Variants in ETV6 observed in about 807,000 individuals in gnomAD.
ETV6 encodes the protein transcription factor ETV6.
ETV6 carries 16 observed loss-of-function variants against 51.1 expected under a neutral mutation model. The observed-to-expected ratio is 0.31, with a 90% CI of 0.21 to 0.48. The LOEUF (loss-of-function observed/expected upper bound fraction) is 0.48. Among genes scored for constraint, ETV6 ranks in the 20% least tolerant of loss-of-function variants. The pLI is 0.99. For missense variants in ETV6, 458 were observed against 594.8 expected, an observed-to-expected ratio of 0.77 and a Z score of 2.39; for synonymous variants, 240 against 224.1, an observed-to-expected ratio of 1.07 and a Z score of -0.64.
chr12:11,752,621 TG>T, intron 2 of ETV6, 42 bp downstream of exon 2: 1 of 1,581,672 alleles, frequency 6.3e-7, no homozygotes, highest in Non-Finnish European at 8.6e-7. Flanking sequence ...ATTGATGGCG[TG>T]GGGCGGGGGT....
intron 1 of ETV6, among the ~76,000 whole-genome samples, chr12:11,727,743 G>T (rs188334198): frequency 1.3e-3 from 205 of 152,366 alleles, no homozygotes; most frequent in Non-Finnish European, 2.2e-3. Context: ...GCCCGCAGGT[G>T]TGAGCCCCTC....
intron 2 of ETV6, among the ~76,000 whole-genome samples, chr12:11,794,734 T>C (rs1945652324): frequency 6.6e-6 from 1 of 152,204 alleles, no homozygotes; most frequent in South Asian, 2.1e-4. Flanking sequence ...AGTCTGCATT[T>C]TGGCAGGAGA....
At chr12:11,777,455 T>G (rs950700565) in intron 2 of ETV6, among the ~76,000 whole-genome samples, 2 of 147,308 alleles carry the variant, frequency 1.4e-5, no homozygotes, top group African/African-American at 5.0e-5. Context: ...AGTTTTTTTG[T>G]TTTTTTTTTC....
chr12:11,788,709 C>A (rs1035727358), intron 2 of ETV6, among the ~76,000 whole-genome samples: 1 of 148,168 alleles, frequency 6.7e-6, no homozygotes, highest in Non-Finnish European at 1.5e-5. Context: ...TTAACTGATT[C>A]TTTTGTCATT....
At position 11,650,481 on chromosome 12, in the gene ETV6, TAA is replaced by T. The variant is rs367594605; in HGVS notation, c.33+334_33+335del. Among the ~76,000 whole-genome samples the T allele has an allele frequency of 3.9e-4, 17 of 43,326 alleles. 2 individuals carry two copies. The highest frequency in any genetic ancestry group is 1.1e-3 in the East Asian group (1 of 932). The allele number at this position is 43,326 out of a possible 152,430, so 28.4% of individuals were successfully genotyped here. A position where few individuals can be genotyped will look rare whatever the true frequency, so the allele number is the denominator to read the frequency against. On this transcript the variant is annotated intron_variant, in intron 1 of 7. Coordinates refer to ENST00000396373, the MANE Select transcript of ETV6 (RefSeq NM_001987.5). ...AAAACACCCCCGTAATTAGTGCGCT[TAA>T]AAAAAAAAAAAACAAAAAACAAAAA...
Position 11,893,793 on chromosome 12 carries a change from TTTATATATATATATA to T in ETV6, c.*2749_*2763del, listed in dbSNP as rs1947337506. 2.4e-5 allele frequency: 1 copy of T among 41,008 alleles called. No individual in the cohort carries two copies. The highest frequency in any genetic ancestry group is 1.0e-4 in the African/African-American group (1 of 9,746). The allele number at this position is 41,008 out of a possible 1,614,324, so 2.5% of individuals were successfully genotyped here. A position where few individuals can be genotyped will look rare whatever the true frequency, so the allele number is the denominator to read the frequency against. On this transcript the variant is annotated 3_prime_UTR_variant, in exon 8 of 8. Transcript: ENST00000396373. ...TGTGTCCATCCCCAAGATCTCTCAT[TTTATATATATATATA>T]TATATATATATATATATATATATAT... is the stretch of plus-strand genomic sequence containing the variant.
chr12:11,764,559 TA>T (rs1318359944), intron 2 of ETV6, among the ~76,000 whole-genome samples: 1 of 152,230 alleles, frequency 6.6e-6, no homozygotes, highest in Non-Finnish European at 1.5e-5. Context: ...CCATTCTCAC[TA>T]AATGTCTTTA....
In ETV6 at chr12:11,733,382, T is replaced by C. The variant is rs996547727; in HGVS notation, c.34-19068T>C. 4.2e-5 allele frequency among the ~76,000 whole-genome samples: 5 copies of C among 119,060 alleles called. No homozygotes were observed. The Admixed American group carries it at 6.1e-4, about 15-fold the overall frequency. 78.1% of individuals were successfully genotyped at this position (119,060 alleles called of 152,430 possible). ...GAGATCGCACCACTGCAGTGCAGCC[T>C]GGGAGACAGAGCGAGACTCCATCTC... On this transcript the variant is annotated intron_variant, in intron 1 of 7. Transcript: ENST00000396373.
At chr12:11,813,368 CG>C (rs1192618602) in intron 2 of ETV6, among the ~76,000 whole-genome samples, 3 of 152,160 alleles carry the variant, frequency 2.0e-5, no homozygotes, top group Non-Finnish European at 2.9e-5. Flanking sequence ...GTGTGAACTG[CG>C]GGGCTGTCTG....
intron 4 of ETV6, among the ~76,000 whole-genome samples, chr12:11,862,907 T>C (rs1946736532): frequency 6.6e-6 from 1 of 152,226 alleles, no homozygotes; most frequent in Non-Finnish European, 1.5e-5. Flanking sequence ...TCTAGCTCTG[T>C]GTATCATTCA....
chr12:11,862,467 G>A (rs2710269), intron 4 of ETV6, among the ~76,000 whole-genome samples: 69,349 of 151,988 alleles, frequency 0.46, 18,018 homozygotes, highest in South Asian at 0.61. Flanking sequence ...ACTTTTCTGG[G>A]GGCTAGAAGT....
chr12:11,735,246 T>C (rs1453259855), intron 1 of ETV6, among the ~76,000 whole-genome samples: 1 of 152,114 alleles, frequency 6.6e-6, no homozygotes, highest in Non-Finnish European at 1.5e-5. Flanking sequence ...TGGCCACTTC[T>C]GCTGAAAGTA....
At chr12:11,862,743 A>C (rs1275577061) in intron 4 of ETV6, among the ~76,000 whole-genome samples, 1 of 152,216 alleles carries the variant, frequency 6.6e-6, no homozygotes, top group African/African-American at 2.4e-5. Context: ...CGTCTTTCCA[A>C]ATAAGATCAC....
chr12:11,712,935 G>A (rs1321963008), intron 1 of ETV6, among the ~76,000 whole-genome samples: 1 of 152,128 alleles, frequency 6.6e-6, no homozygotes, highest in African/African-American at 2.4e-5. Flanking sequence ...AGCCTTTTCT[G>A]TTTCTGCCTC....
rs563333628 is a variant in ETV6, at chr12:11,893,991, AT to A, written c.*2946del. The stretch of plus-strand genomic sequence containing the variant: ...GATTTCGTAATTCCCCTAACTGCAA[AT>A]GTCCTCTTCATTTGTTCTTTATGAG... On this transcript the variant is annotated 3_prime_UTR_variant, in exon 8 of 8. Transcript: ENST00000396373. 1,048 of 224,576 alleles carry A rather than the reference AT, an allele frequency of 4.7e-3. 8 individuals are homozygous for A. Among genetic ancestry groups the A allele is most frequent in the Non-Finnish European group, 7.1e-3 (806 of 112,798 alleles). The allele number at this position is 224,576 out of a possible 1,614,324, so 13.9% of individuals were successfully genotyped here. A position where few individuals can be genotyped will look rare whatever the true frequency, so the allele number is the denominator to read the frequency against.
At chr12:11,758,595 T>C (rs1040769050) in intron 2 of ETV6, among the ~76,000 whole-genome samples, 4 of 152,182 alleles carry the variant, frequency 2.6e-5, no homozygotes, top group Admixed American at 1.3e-4. Flanking sequence ...CACATGTCTC[T>C]CCCTCAGTCT....
chr12:11,691,521 A>G (rs1864763198), intron 1 of ETV6, among the ~76,000 whole-genome samples: 1 of 152,246 alleles, frequency 6.6e-6, no homozygotes, highest in Non-Finnish European at 1.5e-5. Context: ...ATACACACAT[A>G]AAAAGTATGT....
chr12:11,836,461 C>G (rs118149180), intron 2 of ETV6, among the ~76,000 whole-genome samples: 1 of 152,288 alleles, frequency 6.6e-6, no homozygotes, highest in Non-Finnish European at 1.5e-5. Flanking sequence ...TGTACATAAG[C>G]CGAGGGCATT....
chr12:11,770,611 C>G (rs967629424), intron 2 of ETV6, among the ~76,000 whole-genome samples: 5 of 152,200 alleles, frequency 3.3e-5, no homozygotes, highest in African/African-American at 1.2e-4. Context: ...TACTTATCTT[C>G]CAATAACCTT....
Sources: allele counts gnomAD v4.1 joint callset (sites outside exome capture counted in the v4.1 genomes callset), GRCh38; gene constraint gnomAD v4.1.1; transcripts MANE v1.5; gene names NCBI Gene and HGNC (gene_info 2026-07-23, HGNC 2026-07-21).